HERC1: variants seen among roughly 807,000 people sequenced by gnomAD.
The protein encoded by HERC1 is probable E3 ubiquitin-protein ligase HERC1.
Under a neutral mutation model 554.3 loss-of-function variants are expected in HERC1, and 160 were observed. The ratio of observed to expected loss-of-function variants is 0.29; its 90% CI spans 0.25 to 0.33. The LOEUF is 0.33. HERC1 is among the 10% of genes least tolerant of loss of function. HERC1 has a pLI of 1.00. For missense variants in HERC1, 4,919 were observed against 5,918.5 expected, an observed-to-expected ratio of 0.83 and a Z score of 5.54; for synonymous variants, 2,175 against 2,131.7, an observed-to-expected ratio of 1.02 and a Z score of -0.56.
chr15:63,674,236 A>ATT, intron 38 of HERC1, 106 bp downstream of exon 38: 1 of 960,066 alleles, frequency 1.0e-6, no homozygotes, highest in Non-Finnish European at 1.4e-6. Context: ...CCAAAAAAAA[A>ATT]ATTTTTTTTT....
At chr15:63,614,767 C>T (rs1595817253) in intron 76 of HERC1, among the ~76,000 whole-genome samples, 1 of 152,220 alleles carries the variant, frequency 6.6e-6, no homozygotes, top group African/African-American at 2.4e-5. Flanking sequence ...CTCATTCACA[C>T]TCCCATTATT....
chr15:63,674,511 C>T lies in HERC1; in HGVS notation c.7677G>A (p.Met2559Ile), dbSNP rs1421435025. 1 of 1,613,704 alleles carries T rather than the reference C, an allele frequency of 6.2e-7. No homozygotes were observed. Among genetic ancestry groups the T allele is most frequent in the Admixed American group, 1.7e-5 (1 of 59,970 alleles). Residue 2559 changes from methionine to isoleucine, a missense_variant, in exon 38 of 78, where the codon ATG becomes ATA. By Grantham distance (10) the Met-to-Ile change is conservative. Around this residue, in one of 11 missense-constraint regions of HERC1, gnomAD observed 1,963 missense variants for 2,228.6 expected, o/e 0.88. Transcript: ENST00000443617. Reference sequence around the variant, plus strand: ...GCATCAAGAACTGCAGGGCTGCTCGCATCTCCACGTCTTCATGAACAACTG... The same window carrying T: ...GCATCAAGAACTGCAGGGCTGCTCGTATCTCCACGTCTTCATGAACAACTG... The part of the protein sequence containing the change: ...SSPVVHEDVE[M>I]RAALQFLMRH...
chr15:63,628,625 G>C (rs992583558), intron 70 of HERC1, 52 bp downstream of exon 70: 1 of 1,544,340 alleles, frequency 6.5e-7, no homozygotes, highest in Non-Finnish European at 8.7e-7. Context: ...CAGTGCCATG[G>C]GGTACTGCTA....
At chr15:63,778,149 A>G (rs928090951) in intron 1 of HERC1, among the ~76,000 whole-genome samples, 1 of 152,260 alleles carries the variant, frequency 6.6e-6, no homozygotes, top group Non-Finnish European at 1.5e-5. Flanking sequence ...TAAATAAAAA[A>G]GAGAAAAAGT....
intron 76 of HERC1, among the ~76,000 whole-genome samples, chr15:63,614,345 T>C (rs1042163153): frequency 2.0e-5 from 3 of 152,126 alleles, no homozygotes; most frequent in East Asian, 1.9e-4. Context: ...AGAGTAACTA[T>C]GGGAAAAATG....
Position 63,626,212 on chromosome 15 carries a change from AT to A in HERC1, c.13106-59del, listed in dbSNP as rs2152777796. On this transcript the variant is annotated intron_variant, in intron 70 of 77. Coordinates refer to ENST00000443617, the MANE Select transcript of HERC1 (RefSeq NM_003922.4). ...AAACAGCATTGCTTTCACTTTTCAC[AT>A]TTTGAAAAATTTCAAGCATACAGAG... 1.1e-5 allele frequency: 17 copies of A among 1,544,294 alleles called. 1 individual carries two copies. In the South Asian group the frequency reaches 2.0e-4, roughly 18 times the overall value.
Position 63,732,000 on chromosome 15 carries a change from G to C in HERC1, c.2868+924C>G, listed in dbSNP as rs1438910979. Among the ~76,000 whole-genome samples the C allele has an allele frequency of 3.3e-5, 5 of 152,110 alleles. No homozygotes were observed. The South Asian group carries it at 8.3e-4, about 25-fold the overall frequency. On this transcript the variant is annotated intron_variant, in intron 14 of 77. Transcript: ENST00000443617. ...GATGATAAAGGGTCTGAAGGGTGGT[G>C]GTGGTGGTGGTGTTGTTTTGAGATG...
intron 12 of HERC1, among the ~76,000 whole-genome samples, chr15:63,743,268 T>TC (rs1219690131): frequency 8.3e-5 from 12 of 144,558 alleles, no homozygotes; most frequent in Non-Finnish European, 1.2e-4. Flanking sequence ...TTTTTCTTTT[T>TC]TTTTTTTTTT....
chr15:63,624,049 C>A, intron 72 of HERC1, 109 bp downstream of exon 72: 1 of 1,258,882 alleles, frequency 7.9e-7, no homozygotes, highest in South Asian at 1.4e-5. Context: ...AGTACTATTA[C>A]TATCTACCCT....
rs367981307 is a variant in HERC1, at chr15:63,698,980, T to C, written c.4653A>G (p.Gln1551=). The part of the protein sequence containing the change: ...SHRKRGPMHS[Q]LESLSDSWAR... ...CCCAAGAGTCACTCAGGGATTCCAA[T>C]TGACTGTGCATAGGACCTATATACA... The change falls in exon 26 of 78, where the codon CAA becomes CAG. Residue 1551 remains glutamine (Q), a synonymous_variant. Coordinates refer to ENST00000443617, the MANE Select transcript of HERC1 (RefSeq NM_003922.4). The C allele has an allele frequency of 5.1e-5, 82 of 1,612,822 alleles. No individual in the cohort carries two copies. Among genetic ancestry groups the C allele is most frequent in the African/African-American group, 6.7e-5 (5 of 74,900 alleles).
At chr15:63,789,708 G>T (rs1159336896) in intron 1 of HERC1, among the ~76,000 whole-genome samples, 1 of 151,724 alleles carries the variant, frequency 6.6e-6, no homozygotes, top group Non-Finnish European at 1.5e-5. Context: ...TGAGGCAGGA[G>T]AATCACCTGA....
intron 6 of HERC1, 122 bp downstream of exon 6, chr15:63,755,107 G>A (rs2075378525): frequency 1.5e-6 from 1 of 678,516 alleles, no homozygotes; most frequent in Non-Finnish European, 2.6e-6. Flanking sequence ...ATCTTCCTCT[G>A]AGCTTAAACT....
At chr15:63,657,524 C>T (rs1490386838) in intron 48 of HERC1, among the ~76,000 whole-genome samples, 2 of 152,106 alleles carry the variant, frequency 1.3e-5, no homozygotes, top group African/African-American at 4.8e-5. Flanking sequence ...ATTCTTTACA[C>T]ATTCTGTTGG....
Position 63,786,914 on chromosome 15 carries a change from A to ATTTTTTTTTTTTTTTTTTTTTTT in HERC1, c.-26-11266_-26-11265insAAAAAAAAAAAAAAAAAAAAAAA, listed in dbSNP as rs780871966. The stretch of plus-strand genomic sequence containing the variant: ...CGTGATGTGAACTTCAACTCAATAA[A>ATTTTTTTTTTTTTTTTTTTTTTT]TTATTATTTTTTTTTTTTTTATTTT... On this transcript the variant is annotated intron_variant, in intron 1 of 77. Transcript: ENST00000443617. 1.5e-5 allele frequency among the ~76,000 whole-genome samples: 2 copies of ATTTTTTTTTTTTTTTTTTTTTTT among 135,548 alleles called. 1 individual carries two copies. The highest frequency in any genetic ancestry group is 3.2e-5 in the Non-Finnish European group (2 of 61,804). 88.9% of individuals were successfully genotyped at this position (135,548 alleles called of 152,430 possible). A position where few individuals can be genotyped will look rare whatever the true frequency, so the allele number is the denominator to read the frequency against.
At chr15:63,713,141 T>C (rs181922428) in intron 23 of HERC1, among the ~76,000 whole-genome samples, 14 of 152,348 alleles carry the variant, frequency 9.2e-5, no homozygotes, top group Non-Finnish European at 1.8e-4. Flanking sequence ...ATACGAAAAA[T>C]TGTGCCTCCT....
Position 63,775,424 on chromosome 15 carries a change from C to T in HERC1, c.200G>A (p.Arg67His), listed in dbSNP as rs752504161. 9.3e-6 allele frequency: 15 copies of T among 1,613,846 alleles called. No homozygotes were observed. The Admixed American group carries it at 1.5e-4, about 16-fold the overall frequency. ...CTGCTCATCACTTGAAAGAGACTCACGTTCAAAGTCTGGCAACTGTGGTCC... is the reference window on the plus strand; with the variant it reads ...CTGCTCATCACTTGAAAGAGACTCATGTTCAAAGTCTGGCAACTGTGGTCC... ...LKGPQLPDFERESLSSDEQDH... is the reference protein window; with the variant it reads ...LKGPQLPDFEHESLSSDEQDH... Residue 67 changes from arginine (R) to histidine (H), a missense_variant, in exon 2 of 78, where the codon CGT becomes CAT. Coordinates refer to ENST00000443617, the MANE Select transcript of HERC1 (RefSeq NM_003922.4). The surrounding 1 kb of genome is among the most constrained non-coding windows in gnomAD (Gnocchi z 4.0).
In HERC1 at chr15:63,698,419, C is replaced by CAA. The variant is rs57040637; in HGVS notation, c.4905+307_4905+308dup. Among the ~76,000 whole-genome samples the CAA allele has an allele frequency of 4.6e-3, 372 of 80,622 alleles. 1 individual carries two copies. Among genetic ancestry groups the CAA allele is most frequent in the African/African-American group, 0.012 (259 of 22,502 alleles). 52.9% of individuals were successfully genotyped at this position (80,622 alleles called of 152,430 possible). A position where few individuals can be genotyped will look rare whatever the true frequency, so the allele number is the denominator to read the frequency against. On this transcript the variant is annotated intron_variant, in intron 26 of 77. Transcript: ENST00000443617. ...GGCAACGAGAGCGAAACTCCGTCTC[C>CAA]AAAAAAAAAAAAAAAAAAGGCTCTG...
At chr15:63,722,370 C>T (rs2073856544) in intron 19 of HERC1, among the ~76,000 whole-genome samples, 1 of 152,170 alleles carries the variant, frequency 6.6e-6, no homozygotes, top group African/African-American at 2.4e-5. Flanking sequence ...AGTCATTAAA[C>T]CATGGCTTGC....
intron 1 of HERC1, among the ~76,000 whole-genome samples, chr15:63,829,665 G>A (rs2078088623): frequency 6.7e-6 from 1 of 148,658 alleles, no homozygotes; most frequent in African/African-American, 2.5e-5. Context: ...TAAACATACC[G>A]AGTATACAGA....
Sources: gnomAD v4.1 joint callset for allele counts (sites outside exome capture counted in the v4.1 genomes callset) on GRCh38, gnomAD v4.1.1 for gene constraint, gnomAD v4.1.1 regional missense constraint, Gnocchi (gnomAD v3.1) non-coding constraint, MANE v1.5 for transcripts, NCBI Gene and HGNC (gene_info 2026-07-23, HGNC 2026-07-21) for gene names.